PRDM16: variants seen among roughly 807,000 people sequenced by gnomAD.
PRDM16 encodes the protein histone-lysine N-methyltransferase PRDM16.
A neutral mutation model predicts 110.6 loss-of-function variants in PRDM16; 23 were observed. The ratio of observed to expected loss-of-function variants is 0.21; its 90% CI spans 0.15 to 0.29. The LOEUF is 0.29. PRDM16 is among the 10% of genes least tolerant of loss of function. The pLI, the probability that PRDM16 is intolerant of heterozygous loss-of-function variation, is 1.00. For missense variants in PRDM16, 1,615 were observed against 1,794.3 expected (o/e 0.90, Z 1.81); for synonymous variants, 799 against 781.8 (o/e 1.02, Z -0.37).
At chr1:3,408,291 C>T (rs1302477076) in intron 8 of PRDM16, among the ~76,000 whole-genome samples, 1 of 152,208 alleles carries the variant, frequency 6.6e-6, no homozygotes, top group Non-Finnish European at 1.5e-5. Context: ...GTGTCTTTCC[C>T]ACCAAGGCGC....
At chr1:3,338,859 G>A (rs920690476) in intron 3 of PRDM16, among the ~76,000 whole-genome samples, 18 of 152,318 alleles carry the variant, frequency 1.2e-4, no homozygotes, top group South Asian at 6.2e-4. Context: ...GCAGCAGGCC[G>A]AGCCCATGAG....
chr1:3,411,258 AGACT>A, intron 8 of PRDM16, 122 bp from the exon 9 acceptor site: 2 of 933,894 alleles, frequency 2.1e-6, no homozygotes, highest in Non-Finnish European at 3.3e-6. Context: ...GCACCCAGAC[AGACT>A]GCTTCCAGCC....
chr1:3,297,628 A>C (rs528756617), intron 3 of PRDM16, among the ~76,000 whole-genome samples: 2 of 152,226 alleles, frequency 1.3e-5, no homozygotes, highest in South Asian at 4.1e-4. Context: ...TATAGCAGGC[A>C]GGTAGGGAGC....
At chr1:3,271,056 G>A (rs374119859) in intron 3 of PRDM16, among the ~76,000 whole-genome samples, 8 of 152,276 alleles carry the variant, frequency 5.3e-5, no homozygotes, top group South Asian at 4.1e-4. Context: ...TCCCAGTCCC[G>A]GCTGTGGCCG....
At chr1:3,225,574 G>GTGCGCGCGCGCGCA (rs1491529163) in intron 2 of PRDM16, among the ~76,000 whole-genome samples, 5 of 135,116 alleles carry the variant, frequency 3.7e-5, no homozygotes, top group African/African-American at 1.7e-4. Context: ...GTGTGTGTGT[G>GTGCGCGCGCGCGCA]CGCGCGCGCA....
intron 3 of PRDM16, among the ~76,000 whole-genome samples, chr1:3,286,310 G>A (rs930492853): frequency 6.6e-6 from 1 of 152,354 alleles, no homozygotes; most frequent in Non-Finnish European, 1.5e-5. Flanking sequence ...AAGGGGGGCC[G>A]CAACTGCAGT....
Position 3,411,829 on chromosome 1 carries a change from C to G in PRDM16, c.1632C>G (p.Asp544Glu), listed in dbSNP as rs199499877. Residue 544 changes from aspartate to glutamate, a missense_variant, in exon 9 of 17, where the codon GAC becomes GAG. Around this residue, in one of 5 missense-constraint regions of PRDM16, gnomAD observed 772 missense variants for 748.3 expected, o/e 1.03. Transcript: ENST00000270722. ...AGAGCCCCCTGAACCACACCCAGGA[C>G]GCCAAGCTCCCCAGTCCCCTGGGGA... is the stretch of plus-strand genomic sequence containing the variant. ...LLKSPLNHTQ[D>E]AKLPSPLGNP... is the part of the protein sequence containing the mutation. The G allele has an allele frequency of 6.2e-7, 1 of 1,611,022 alleles. No homozygotes were observed.
At chr1:3,429,840 G>C (rs979775365) in intron 14 of PRDM16, among the ~76,000 whole-genome samples, 1 of 152,354 alleles carries the variant, frequency 6.6e-6, no homozygotes, top group East Asian at 1.9e-4. Context: ...CCCAGTTCCC[G>C]TGCACACAGG....
chr1:3,070,859 C>T (rs961980418), intron 1 of PRDM16, among the ~76,000 whole-genome samples: 1 of 152,220 alleles, frequency 6.6e-6, no homozygotes, highest in Non-Finnish European at 1.5e-5. Flanking sequence ...CCGTTCCCGG[C>T]CCCTGGGTGA....
At chr1:3,292,572 TGA>T in intron 3 of PRDM16, among the ~76,000 whole-genome samples, 1 of 152,132 alleles carries the variant, frequency 6.6e-6, no homozygotes, top group East Asian at 1.9e-4. Context: ...GCTGTCCGGA[TGA>T]GAGTGGCTTG....
chr1:3,270,319 G>A (rs1640412430), intron 3 of PRDM16, among the ~76,000 whole-genome samples: 1 of 149,152 alleles, frequency 6.7e-6, no homozygotes, highest in African/African-American at 2.5e-5. Flanking sequence ...GAGGAGCACA[G>A]TCCAAGAGGA....
chr1:3,142,585 T>C (rs775126711), intron 1 of PRDM16, among the ~76,000 whole-genome samples: 3 of 151,932 alleles, frequency 2.0e-5, no homozygotes, highest in Non-Finnish European at 2.9e-5. Flanking sequence ...TTGAGCAGAG[T>C]CTGAGGCTTC....
At chr1:3,240,124 G>A (rs1639635354) in intron 2 of PRDM16, among the ~76,000 whole-genome samples, 1 of 150,482 alleles carries the variant, frequency 6.6e-6, no homozygotes, top group African/African-American at 2.5e-5. Context: ...GAGAAGAGAA[G>A]AAAGAAAAGA....
intron 3 of PRDM16, among the ~76,000 whole-genome samples, chr1:3,363,462 AC>A (rs1002506517): frequency 2.6e-5 from 4 of 152,132 alleles, no homozygotes; most frequent in African/African-American, 9.7e-5. Flanking sequence ...CCCGGTGAGC[AC>A]GGGGGAGCTG....
chr1:3,123,887 T>C (rs776561962), intron 1 of PRDM16, among the ~76,000 whole-genome samples: 1 of 152,198 alleles, frequency 6.6e-6, no homozygotes, highest in Non-Finnish European at 1.5e-5. Context: ...ACTTGTGTCC[T>C]TGTCAAGGTT....
chr1:3,282,034 C>A (rs1248615703), intron 3 of PRDM16, among the ~76,000 whole-genome samples: 2 of 152,334 alleles, frequency 1.3e-5, no homozygotes, highest in Admixed American at 6.5e-5. Flanking sequence ...ACCCTTCAGT[C>A]AAACATGTGA....
chr1:3,087,391 C>A (rs896358988), intron 1 of PRDM16, among the ~76,000 whole-genome samples: 1 of 152,184 alleles, frequency 6.6e-6, no homozygotes, highest in South Asian at 2.1e-4. Flanking sequence ...CTGAGGAACG[C>A]GAGAGCAGGT....
intron 1 of PRDM16, among the ~76,000 whole-genome samples, chr1:3,152,358 A>ATCCG (rs1643791609): frequency 6.7e-6 from 1 of 148,158 alleles, no homozygotes; most frequent in African/African-American, 2.6e-5. Context: ...TCATCCATCC[A>ATCCG]TCCATCCATC....
intron 12 of PRDM16, among the ~76,000 whole-genome samples, chr1:3,419,968 A>G (rs572699843): frequency 2.0e-5 from 3 of 151,746 alleles, no homozygotes; most frequent in Non-Finnish European, 4.4e-5. Flanking sequence ...CAACTTAACA[A>G]AGGCTAGCAG....
Sources: gnomAD v4.1 joint callset for allele counts (sites outside exome capture counted in the v4.1 genomes callset) on GRCh38, gnomAD v4.1.1 for gene constraint, gnomAD v4.1.1 regional missense constraint, MANE v1.5 for transcripts, NCBI Gene and HGNC (gene_info 2026-07-23, HGNC 2026-07-21) for gene names.